LRRC4C: variants seen among roughly 807,000 people sequenced by gnomAD.
The protein encoded by LRRC4C is leucine-rich repeat-containing protein 4C.
In LRRC4C, 5 loss-of-function variants were observed where a neutral mutation model predicts 33.6. The observed-to-expected ratio is 0.15, with a 90% CI of 0.08 to 0.31. The LOEUF is 0.31. Ranked by LOEUF, LRRC4C falls within the 10% of genes least tolerant of loss-of-function variation. The pLI is 1.00. For synonymous variants in LRRC4C, 329 were observed against 302.0 expected (o/e 1.09, Z -0.93); for missense variants, 560 against 796.7 (o/e 0.70, Z 3.58).
intron 4 of LRRC4C, among the ~76,000 whole-genome samples, chr11:40,284,538 T>C (rs1305035048): frequency 6.6e-6 from 1 of 152,188 alleles, no homozygotes; most frequent in Non-Finnish European, 1.5e-5. Flanking sequence ...TTGGATGATA[T>C]ATCTAGAGGA....
chr11:40,746,733 T>C (rs1422611508), intron 2 of LRRC4C, among the ~76,000 whole-genome samples: 2 of 152,106 alleles, frequency 1.3e-5, no homozygotes, highest in Admixed American at 6.5e-5. Flanking sequence ...TCCATCACCA[T>C]GGTCCCCTGA....
Position 40,971,491 on chromosome 11 carries a change from G to A in LRRC4C, c.-495-37768C>T, listed in dbSNP as rs531752841. On this transcript the variant is annotated intron_variant, in intron 1 of 6. Coordinates refer to ENST00000528697, the MANE Select transcript of LRRC4C (RefSeq NM_001258419.2). Reference sequence around the variant, plus strand: ...TGGGAGCCCCCATCTAGATTTCAGAGAGCATATGGAAAAGCATGGATGTCC... The same window carrying A: ...TGGGAGCCCCCATCTAGATTTCAGAAAGCATATGGAAAAGCATGGATGTCC... 1.2e-4 allele frequency among the ~76,000 whole-genome samples: 19 copies of A among 152,334 alleles called. No homozygotes were observed. The South Asian group carries it at 3.5e-3, about 28-fold the overall frequency.
chr11:41,007,972 T>C (rs182845967), intron 1 of LRRC4C, among the ~76,000 whole-genome samples: 2 of 152,300 alleles, frequency 1.3e-5, no homozygotes, highest in East Asian at 3.9e-4. Context: ...TATTCTTTCA[T>C]ATTCCATTTT....
chr11:41,084,176 G>C (rs1939785776), intron 1 of LRRC4C, among the ~76,000 whole-genome samples: 1 of 152,168 alleles, frequency 6.6e-6, no homozygotes, highest in Admixed American at 6.5e-5. Context: ...AAAGGGAGAA[G>C]TAATGACCTC....
At chr11:40,771,965 A>G in intron 2 of LRRC4C, among the ~76,000 whole-genome samples, 1 of 152,124 alleles carries the variant, frequency 6.6e-6, no homozygotes, top group East Asian at 1.9e-4. Context: ...TGAGCCCACC[A>G]AACTGTTCCA....
chr11:40,292,671 C>G (rs865884634), intron 4 of LRRC4C: 2 of 149,332 alleles, frequency 1.3e-5, no homozygotes, highest in Middle Eastern at 3.1e-3. Flanking sequence ...GGGAGGGGAA[C>G]AGCTGCTTTA....
At chr11:41,050,914 C>T (rs1243700028) in intron 1 of LRRC4C, among the ~76,000 whole-genome samples, 1 of 152,110 alleles carries the variant, frequency 6.6e-6, no homozygotes, top group Non-Finnish European at 1.5e-5. Context: ...CAAAGAATTA[C>T]CTCAAGGCTA....
chr11:41,405,967 G>A (rs1189763029), intron 1 of LRRC4C, among the ~76,000 whole-genome samples: 1 of 152,072 alleles, frequency 6.6e-6, no homozygotes, highest in African/African-American at 2.4e-5. Context: ...AAGATACAAA[G>A]ATACTGCATC....
Position 40,516,888 on chromosome 11 carries a change from G to A in LRRC4C, c.-270+131254C>T, listed in dbSNP as rs1266226228. Among the ~76,000 whole-genome samples, 3 of 152,302 alleles carry A rather than the reference G, an allele frequency of 2.0e-5. No homozygotes were observed. The East Asian group carries it at 5.8e-4, about 29-fold the overall frequency. On this transcript the variant is annotated intron_variant, in intron 3 of 6. Transcript: ENST00000528697. ...GAGGGGGATGTGTCAAAAGGTGTCA[G>A]TTAGGTTCTCTGCACTATTTATTGG... is the stretch of plus-strand genomic sequence containing the variant.
intron 5 of LRRC4C, among the ~76,000 whole-genome samples, chr11:40,142,089 C>T (rs1326656408): frequency 6.6e-6 from 1 of 151,642 alleles, no homozygotes; most frequent in African/African-American, 2.4e-5. Context: ...TCAAGACCAG[C>T]CTGGCAAACA....
At chr11:40,423,543 A>T (rs1007329849) in intron 3 of LRRC4C, among the ~76,000 whole-genome samples, 1 of 151,492 alleles carries the variant, frequency 6.6e-6, no homozygotes, top group East Asian at 1.9e-4. Context: ...ACGGGGTTTC[A>T]CCGTGTTAGC....
At chr11:41,211,334 T>G (rs941160764) in intron 1 of LRRC4C, among the ~76,000 whole-genome samples, 1 of 152,178 alleles carries the variant, frequency 6.6e-6, no homozygotes, top group Non-Finnish European at 1.5e-5. Flanking sequence ...CATTTATTTT[T>G]ATTTTTGTAT....
chr11:40,141,173 T>A (rs907340632), intron 5 of LRRC4C, among the ~76,000 whole-genome samples: 9 of 152,082 alleles, frequency 5.9e-5, no homozygotes, highest in African/African-American at 2.2e-4. Context: ...AACCACATCA[T>A]AAGATTAAAT....
chr11:41,406,707 CACACA>C (rs1954251470), intron 1 of LRRC4C, among the ~76,000 whole-genome samples: 1 of 7,412 alleles, frequency 1.3e-4, no homozygotes, highest in Admixed American at 1.8e-3. Context: ...ACACATTCAC[CACACA>C]CACACACACA....
At chr11:40,129,568 C>T (rs1373330417) in intron 6 of LRRC4C, among the ~76,000 whole-genome samples, 3 of 152,160 alleles carry the variant, frequency 2.0e-5, no homozygotes, top group Non-Finnish European at 4.4e-5. Context: ...CCTACATGTA[C>T]TCCAGAACTA....
At chr11:40,522,284 C>T (rs1955850280) in intron 3 of LRRC4C, among the ~76,000 whole-genome samples, 1 of 152,244 alleles carries the variant, frequency 6.6e-6, no homozygotes. Context: ...CCCACCTCCA[C>T]CTCCCAAAGT....
chr11:41,107,515 A>C (rs2135673335), intron 1 of LRRC4C, among the ~76,000 whole-genome samples: 1 of 152,286 alleles, frequency 6.6e-6, no homozygotes, highest in East Asian at 1.9e-4. Context: ...ACAAAGAATA[A>C]AAATAAAAAT....
chr11:41,096,763 G>A (rs1940834973), intron 1 of LRRC4C, among the ~76,000 whole-genome samples: 1 of 152,068 alleles, frequency 6.6e-6, no homozygotes, highest in Admixed American at 6.6e-5. Flanking sequence ...AGAGGTTGTA[G>A]CATCCTATAA....
chr11:41,275,227 T>C (rs1387666630), intron 1 of LRRC4C, among the ~76,000 whole-genome samples: 2 of 152,104 alleles, frequency 1.3e-5, no homozygotes, highest in African/African-American at 4.8e-5. Flanking sequence ...ATAAACGTCT[T>C]TTACTTATGA....
Sources: allele counts gnomAD v4.1 joint callset (sites outside exome capture counted in the v4.1 genomes callset), GRCh38; gene constraint gnomAD v4.1.1; transcripts MANE v1.5; gene names NCBI Gene and HGNC (gene_info 2026-07-23, HGNC 2026-07-21).